The following PARVA variants were observed in gnomAD, a reference collection of about 807,000 sequenced individuals.
The protein encoded by PARVA is alpha-parvin.
A neutral mutation model predicts 52.6 loss-of-function variants in PARVA; 25 were observed. That is an observed-to-expected ratio of 0.48 (90% CI 0.35 to 0.66). PARVA has a LOEUF of 0.66. Among genes scored for constraint, PARVA ranks in the 30% least tolerant of loss-of-function variants. PARVA has a pLI of 0.01. For missense variants in PARVA, 373 were observed against 450.9 expected (o/e 0.83, Z 1.56); for synonymous variants, 185 against 179.1 (o/e 1.03, Z -0.26).
At chr11:12,400,520 C>A (rs58842498) in intron 1 of PARVA, among the ~76,000 whole-genome samples, 1 of 152,296 alleles carries the variant, frequency 6.6e-6, no homozygotes, top group East Asian at 1.9e-4. Context: ...TTGGGGAGTA[C>A]TTTTATATGA....
chr11:12,509,923 G>C (rs1428822305), intron 7 of PARVA, among the ~76,000 whole-genome samples: 1 of 152,136 alleles, frequency 6.6e-6, no homozygotes, highest in Non-Finnish European at 1.5e-5. Flanking sequence ...TCACCTCTGG[G>C]AAAGAAGACG....
intron 1 of PARVA, among the ~76,000 whole-genome samples, chr11:12,381,394 T>C (rs529130957): frequency 5.9e-5 from 9 of 152,320 alleles, no homozygotes; most frequent in African/African-American, 1.7e-4. Context: ...GTCCACAGAT[T>C]ATCTCAGTGC....
chr11:12,416,764 A>C (rs928082539), intron 1 of PARVA, among the ~76,000 whole-genome samples: 2 of 147,488 alleles, frequency 1.4e-5, no homozygotes, highest in African/African-American at 5.0e-5. Context: ...AAAGCAATGG[A>C]GGGAGAAAGA....
At chr11:12,385,304 G>C (rs1268822331) in intron 1 of PARVA, among the ~76,000 whole-genome samples, 1 of 152,180 alleles carries the variant, frequency 6.6e-6, no homozygotes, top group Non-Finnish European at 1.5e-5. Flanking sequence ...ACTCCAGTCT[G>C]TGTGACAGAG....
chr11:12,522,480 G>A (rs10765957), intron 12 of PARVA, among the ~76,000 whole-genome samples: 137,409 of 148,922 alleles, frequency 0.92, 63,716 homozygotes, highest in Middle Eastern at 0.99. Flanking sequence ...GTGCAATGGC[G>A]TGGTCTCGGC....
chr11:12,433,063 T>C (rs1940337225), intron 1 of PARVA, among the ~76,000 whole-genome samples: 1 of 152,248 alleles, frequency 6.6e-6, no homozygotes, highest in South Asian at 2.1e-4. Flanking sequence ...GCTAGAGTTC[T>C]TAATGACCTA....
At chr11:12,525,571 G>T (rs998227662) in intron 12 of PARVA, among the ~76,000 whole-genome samples, 1 of 152,078 alleles carries the variant, frequency 6.6e-6, no homozygotes, top group Non-Finnish European at 1.5e-5. Flanking sequence ...TAGAATTTAA[G>T]AAACACTCAA....
At chr11:12,395,076 A>G (rs1160760787) in intron 1 of PARVA, among the ~76,000 whole-genome samples, 1 of 147,032 alleles carries the variant, frequency 6.8e-6, no homozygotes, top group East Asian at 2.0e-4. Context: ...GGGCAACTGG[A>G]GCGAAACTCC....
At chr11:12,522,259 A>G (rs1294247825) in intron 12 of PARVA, among the ~76,000 whole-genome samples, 1 of 152,108 alleles carries the variant, frequency 6.6e-6, no homozygotes, top group Non-Finnish European at 1.5e-5. Context: ...AAAAGACTGA[A>G]CTGAGAAGTC....
At chr11:12,514,234 C>T (rs1392161688) in intron 10 of PARVA, among the ~76,000 whole-genome samples, 169 bp downstream of exon 10, 1 of 152,200 alleles carries the variant, frequency 6.6e-6, no homozygotes, top group East Asian at 1.9e-4. Context: ...TTTTTTCCAA[C>T]TTTTTATTAT....
At chr11:12,511,948 G>A (rs1346044731) in intron 8 of PARVA, among the ~76,000 whole-genome samples, 1 of 152,168 alleles carries the variant, frequency 6.6e-6, no homozygotes, top group East Asian at 1.9e-4. Flanking sequence ...TGGGTGATAG[G>A]TGTGCAGATG....
intron 1 of PARVA, among the ~76,000 whole-genome samples, chr11:12,382,235 A>C (rs926786869): frequency 6.6e-6 from 1 of 152,238 alleles, no homozygotes; most frequent in African/African-American, 2.4e-5. Context: ...GGCATCACGC[A>C]CAGTTCTTGT....
rs756278564 is a variant in PARVA at position 12,518,510 on chromosome 11, G to T, written c.1035G>T (p.Arg345=). ...QDGGLEKPKP[R]PEDIVNCDLK... Reference sequence around the variant, plus strand: ...GAGGGTTGGAAAAGCCAAAACCGCGGCCAGAAGGTACTTTGCTCTTTCCTG... The same window carrying T: ...GAGGGTTGGAAAAGCCAAAACCGCGTCCAGAAGGTACTTTGCTCTTTCCTG... Residue 345 remains arginine, a synonymous_variant, in exon 12 of 13, where the codon CGG becomes CGT. Transcript: ENST00000334956. The T allele has an allele frequency of 1.9e-6, 3 of 1,612,446 alleles. No individual in the cohort carries two copies. The East Asian group carries it at 6.7e-5, about 36-fold the overall frequency.
intron 4 of PARVA, chr11:12,478,639 A>G (rs888231893): frequency 1.9e-5 from 3 of 159,754 alleles, no homozygotes; most frequent in Non-Finnish European, 4.1e-5. Flanking sequence ...CCACTTTTCT[A>G]AAGCTGTTTC....
At chr11:12,384,532 A>G (rs894447434) in intron 1 of PARVA, among the ~76,000 whole-genome samples, 1 of 152,230 alleles carries the variant, frequency 6.6e-6, no homozygotes, top group African/African-American at 2.4e-5. Flanking sequence ...AGCAGAATAA[A>G]GCAAGAAAAA....
At chr11:12,418,542 C>T (rs1415310666) in intron 1 of PARVA, among the ~76,000 whole-genome samples, 1 of 152,196 alleles carries the variant, frequency 6.6e-6, no homozygotes, top group Non-Finnish European at 1.5e-5. Flanking sequence ...AGCCCAGCTT[C>T]TCAGCGTGCC....
In PARVA at chr11:12,396,448, G is replaced by A. The variant is rs560418513; in HGVS notation, c.136+18665G>A. On this transcript the variant is annotated intron_variant, in intron 1 of 12. Coordinates refer to ENST00000334956, the MANE Select transcript of PARVA (RefSeq NM_018222.5). ...GAGGTGTCTGGGCCCTGGAAGCAAA[G>A]TGCCTGGTCCTAGCACACACTGGCT... 2.6e-5 allele frequency among the ~76,000 whole-genome samples: 4 copies of A among 152,338 alleles called. No individual in the cohort carries two copies. The South Asian group carries it at 6.2e-4, about 24-fold the overall frequency.
At chr11:12,524,294 GATTCA>G (rs1941674682) in intron 12 of PARVA, among the ~76,000 whole-genome samples, 1 of 152,214 alleles carries the variant, frequency 6.6e-6, no homozygotes, top group Non-Finnish European at 1.5e-5. Context: ...TGAGAAAACT[GATTCA>G]GAGAATTTAA....
chr11:12,382,659 A>G (rs1455899523), intron 1 of PARVA, among the ~76,000 whole-genome samples: 1 of 152,178 alleles, frequency 6.6e-6, no homozygotes, highest in African/African-American at 2.4e-5. Flanking sequence ...TTCATAAGAA[A>G]AAACAGTGTT....
Sources: allele counts gnomAD v4.1 joint callset (sites outside exome capture counted in the v4.1 genomes callset), GRCh38; gene constraint gnomAD v4.1.1; transcripts MANE v1.5; gene names NCBI Gene and HGNC (gene_info 2026-07-23, HGNC 2026-07-21).